Variants in USP9Y observed in about 807,000 individuals in gnomAD.
USP9Y encodes the protein ubiquitin carboxyl-terminal hydrolase 9Y.
In USP9Y, 41 loss-of-function variants were observed where a neutral mutation model predicts 53.1. The observed-to-expected ratio is 0.77, with a 90% CI of 0.60 to 1.00. USP9Y has a LOEUF of 1.00. USP9Y is among the 50% of genes least tolerant of loss of function. USP9Y has a pLI of 0.00. For missense variants in USP9Y, 567 were observed against 535.8 expected (o/e 1.06, Z -0.58); for synonymous variants, 220 against 173.7 (o/e 1.27, Z -2.09).
At chrY:12,835,995 C>T in intron 34 of USP9Y, among the ~76,000 whole-genome samples, 2 of 32,583 alleles carry the variant, frequency 6.1e-5, no homozygotes. Context: ...CACTATGTTT[C>T]CCTGGCTGAA....
chrY:12,858,561 G>C (rs2053579901), intron 45 of USP9Y, among the ~76,000 whole-genome samples: 1 of 33,435 alleles, frequency 3.0e-5, no homozygotes, highest in African/African-American at 1.2e-4. Context: ...TCTTGACCTT[G>C]TGATCTGCCC....
chrY:12,760,465 T>C lies in USP9Y; in HGVS notation c.1767-19T>C. On this transcript the variant is annotated intron_variant, in intron 14 of 45. Coordinates refer to ENST00000338981, the MANE Select transcript of USP9Y (RefSeq NM_004654.4). Reference sequence around the variant, plus strand: ...ATTTTCATGTGCCTTATTATACTGTTAAGTTCTTCTTATTTCAGTCAAACT... The same window carrying C: ...ATTTTCATGTGCCTTATTATACTGTCAAGTTCTTCTTATTTCAGTCAAACT... The C allele has an allele frequency of 5.0e-6, 2 of 397,182 alleles. No homozygotes were observed. The highest frequency in any genetic ancestry group is 7.1e-6 in the Non-Finnish European group (2 of 282,246).
intron 1 of USP9Y, among the ~76,000 whole-genome samples, chrY:12,705,849 T>C: frequency 3.0e-5 from 1 of 33,658 alleles, no homozygotes; most frequent in African/African-American, 1.2e-4. Context: ...GAGTCTCTTA[T>C]AGGGAAGGAT....
At chrY:12,709,307 T>C in intron 2 of USP9Y, 81 bp from the exon 3 acceptor site, 2 of 168,297 alleles carry the variant, frequency 1.2e-5, no homozygotes, top group African/African-American at 1.7e-4. Context: ...CAAGATGTTT[T>C]GTCCTTGAAT....
intron 19 of USP9Y, among the ~76,000 whole-genome samples, chrY:12,777,504 A>G (rs771804898): frequency 2.1e-4 from 7 of 33,526 alleles, no homozygotes; most frequent in Non-Finnish European, 3.0e-4. Context: ...TCTTAACTGA[A>G]AAAATGTAAA....
intron 3 of USP9Y, among the ~76,000 whole-genome samples, chrY:12,719,719 C>T (rs2053433530): frequency 3.2e-5 from 1 of 31,253 alleles, no homozygotes; most frequent in Non-Finnish European, 7.7e-5. Flanking sequence ...TAACAGTAAA[C>T]ATGACAAAAA....
chrY:12,779,541 C>A lies in USP9Y; in HGVS notation c.3046C>A (p.Pro1016Thr). 2.5e-6 allele frequency: 1 copy of A among 396,522 alleles called. No homozygotes were observed. The highest frequency in any genetic ancestry group is 3.5e-6 in the Non-Finnish European group (1 of 281,935). The change falls in exon 22 of 46, where the codon CCC becomes ACC. Residue 1016 changes from proline (P) to threonine (T), a missense_variant. By Grantham distance (38) the Pro-to-Thr change is conservative. Transcript: ENST00000338981. The part of the protein sequence containing the change: ...CLPGVIMSVH[P>T]RYISFLWQVA... ...TGTATTCTAGATAATGTCAGTGCAT[C>A]CCAGATACATCTCTTTCCTTTGGCA...
intron 12 of USP9Y, among the ~76,000 whole-genome samples, chrY:12,751,608 T>C (rs939615903): frequency 1.5e-3 from 50 of 33,923 alleles, no homozygotes; most frequent in Non-Finnish European, 2.4e-3. Context: ...ACAGGTGTTT[T>C]ACCAGTTGAG....
At chrY:12,833,604 T>C in intron 33 of USP9Y, 84 bp from the exon 34 acceptor site, 1 of 302,510 alleles carries the variant, frequency 3.3e-6, no homozygotes, top group South Asian at 3.3e-5. Flanking sequence ...CAGCTTATGT[T>C]TGTCATTGTT....
At chrY:12,807,467 G>A (rs1603201451) in intron 27 of USP9Y, among the ~76,000 whole-genome samples, 1 of 21,802 alleles carries the variant, frequency 4.6e-5, no homozygotes, top group African/African-American at 1.8e-4. Context: ...GTGTTCAAGC[G>A]ATTCTCCTGC....
At chrY:12,848,159 A>C in intron 42 of USP9Y, among the ~76,000 whole-genome samples, 2 of 33,610 alleles carry the variant, frequency 6.0e-5, no homozygotes, top group Non-Finnish European at 1.5e-4. Flanking sequence ...CATTTTAAGA[A>C]TCACCATTCT....
chrY:12,824,073 G>T (rs988692670), intron 33 of USP9Y, among the ~76,000 whole-genome samples: 1 of 32,301 alleles, frequency 3.1e-5, no homozygotes, highest in Non-Finnish European at 7.5e-5. Context: ...ACATTAAGGG[G>T]TAATTATGCA....
chrY:12,814,084 G>C (rs2053533756), intron 31 of USP9Y, among the ~76,000 whole-genome samples: 1 of 33,810 alleles, frequency 3.0e-5, no homozygotes, highest in Non-Finnish European at 7.4e-5. Context: ...CCAAAGCGCT[G>C]AGATTACATG....
At chrY:12,819,392 C>CA (rs2053539135) in intron 33 of USP9Y, among the ~76,000 whole-genome samples, 1 of 32,840 alleles carries the variant, frequency 3.0e-5, no homozygotes, top group African/African-American at 1.2e-4. Context: ...TTTGTCTCTA[C>CA]AAAAAAATGC....
intron 12 of USP9Y, among the ~76,000 whole-genome samples, chrY:12,749,732 A>G (rs2053462727): frequency 1.7e-4 from 6 of 34,390 alleles, no homozygotes; most frequent in Admixed American, 1.6e-3. Context: ...AAGTGTTTAC[A>G]AGCTTTATGT....
At chrY:12,764,407 T>C (rs904772725) in intron 15 of USP9Y, among the ~76,000 whole-genome samples, 5 of 33,372 alleles carry the variant, frequency 1.5e-4, no homozygotes, top group Non-Finnish European at 3.7e-4. Context: ...TGTCAAAGTA[T>C]CCTCCCAGAA....
At position 12,855,902 on chromosome Y, in the gene USP9Y, T is replaced by C. The variant is rs2053575572; in HGVS notation, c.7065-438T>C. 9.5e-5 allele frequency among the ~76,000 whole-genome samples: 3 copies of C among 31,642 alleles called. No individual in the cohort carries two copies. The South Asian group carries it at 2.2e-3, about 23-fold the overall frequency. 84.9% of individuals were successfully genotyped at this position (31,642 alleles called of 37,273 possible). ...TTTGAGGCTACAGTGAGCCACAAAC[T>C]ACAATCATGCCACTGCAGTCCAGCC... On this transcript the variant is annotated intron_variant, in intron 42 of 45. Coordinates refer to ENST00000338981, the MANE Select transcript of USP9Y (RefSeq NM_004654.4).
chrY:12,842,528 G>T, intron 38 of USP9Y, 63 bp downstream of exon 38: 1 of 259,122 alleles, frequency 3.9e-6, no homozygotes, highest in Non-Finnish European at 6.0e-6. Flanking sequence ...TTCTGTTTCT[G>T]CAAATTCATA....
At chrY:12,795,347 T>A in intron 27 of USP9Y, among the ~76,000 whole-genome samples, 1 of 33,972 alleles carries the variant, frequency 2.9e-5, no homozygotes, top group Admixed American at 2.7e-4. Flanking sequence ...TTACTTTTTC[T>A]TTCCTTTTTG....
Sources: gnomAD v4.1 joint callset for allele counts (sites outside exome capture counted in the v4.1 genomes callset) on GRCh38, gnomAD v4.1.1 for gene constraint, MANE v1.5 for transcripts, NCBI Gene and HGNC (gene_info 2026-07-23, HGNC 2026-07-21) for gene names.